CATSPERT: variants seen among roughly 807,000 people sequenced by gnomAD.
The protein encoded by CATSPERT is cation channel sperm-associated targeting subunit tau.
the CATSPERT span, among the ~76,000 whole-genome samples, chr2:201,593,033 G>A: frequency 6.6e-6 from 1 of 151,922 alleles, no homozygotes; most frequent in Non-Finnish European, 1.5e-5. Flanking sequence ...GCTTTTGAAT[G>A]TGTTTGCTCT....
chr2:201,598,453 TATG>T, the CATSPERT span, among the ~76,000 whole-genome samples: 769 of 152,226 alleles, frequency 5.1e-3, 7 homozygotes, highest in Admixed American at 0.011. Context: ...TTCTGTAAGT[TATG>T]ATGTTCTGGC....
chr2:201,517,616 AC>A, the CATSPERT span, among the ~76,000 whole-genome samples: 2 of 152,220 alleles, frequency 1.3e-5, no homozygotes, highest in African/African-American at 4.8e-5. Flanking sequence ...GCCCTATTGA[AC>A]CAGCAATTTT....
chr2:201,503,269 A>C, the CATSPERT span, among the ~76,000 whole-genome samples: 5 of 152,098 alleles, frequency 3.3e-5, no homozygotes, highest in South Asian at 6.2e-4. Flanking sequence ...TTATTATTTC[A>C]TTGTTTAGAC....
At chr2:201,528,459 G>A in the CATSPERT span, among the ~76,000 whole-genome samples, 1 of 152,044 alleles carries the variant, frequency 6.6e-6, no homozygotes, top group Non-Finnish European at 1.5e-5. Context: ...ACACATTCAT[G>A]TATATGTTCA....
chr2:201,530,556 C>T, the CATSPERT span, among the ~76,000 whole-genome samples: 202 of 139,070 alleles, frequency 1.5e-3, 1 homozygote, highest in African/African-American at 5.1e-3. Context: ...CCCAACAGTA[C>T]CATCAATCAT....
the CATSPERT span, among the ~76,000 whole-genome samples, chr2:201,504,243 G>T: frequency 1.3e-5 from 2 of 152,110 alleles, no homozygotes; most frequent in Non-Finnish European, 2.9e-5. Context: ...GTTCTGTTTG[G>T]CTTCCCGCTC....
chr2:201,564,927 T>C, the CATSPERT span, among the ~76,000 whole-genome samples: 2 of 151,824 alleles, frequency 1.3e-5, no homozygotes, highest in Admixed American at 1.3e-4. Flanking sequence ...TTGTGGCAGA[T>C]AAATAGAAAC....
At chr2:201,584,394 A>G in the CATSPERT span, among the ~76,000 whole-genome samples, 1 of 152,196 alleles carries the variant, frequency 6.6e-6, no homozygotes, top group African/African-American at 2.4e-5. Flanking sequence ...GTTAAAAGAC[A>G]TGGAAGATAG....
chr2:201,504,837 G>A, the CATSPERT span, among the ~76,000 whole-genome samples: 1 of 152,316 alleles, frequency 6.6e-6, no homozygotes, highest in Middle Eastern at 3.4e-3. Flanking sequence ...CCAGTGTACT[G>A]GTCAGGAGAA....
chr2:201,492,735 A>C, the CATSPERT span: 1 of 1,535,520 alleles, frequency 6.5e-7, no homozygotes, highest in East Asian at 2.5e-5. Context: ...TCACAGTTTC[A>C]GAATATTTCC....
At chr2:201,521,453 A>AGAGAGAGAG in the CATSPERT span, among the ~76,000 whole-genome samples, 425 of 150,784 alleles carry the variant, frequency 2.8e-3, 1 homozygote, top group Non-Finnish European at 5.2e-3. Flanking sequence ...GAGAGAGAGA[A>AGAGAGAGAG]AGAGACACAC....
At chr2:201,505,077 C>T in the CATSPERT span, among the ~76,000 whole-genome samples, 1 of 152,080 alleles carries the variant, frequency 6.6e-6, no homozygotes, top group African/African-American at 2.4e-5. Flanking sequence ...TAGCTGGGGG[C>T]TCCCCAAATG....
At chr2:201,563,792 A>C in the CATSPERT span, among the ~76,000 whole-genome samples, 1 of 152,228 alleles carries the variant, frequency 6.6e-6, no homozygotes, top group Non-Finnish European at 1.5e-5. Context: ...ACAACTGTAA[A>C]AGCTGGACAA....
At chr2:201,614,097 A>T in the CATSPERT span, among the ~76,000 whole-genome samples, 1 of 152,222 alleles carries the variant, frequency 6.6e-6, no homozygotes, top group Non-Finnish European at 1.5e-5. Context: ...TGTACCTGAA[A>T]GTGACAGAGA....
chr2:201,501,584 T>C, the CATSPERT span, among the ~76,000 whole-genome samples: 27 of 151,696 alleles, frequency 1.8e-4, no homozygotes, highest in Non-Finnish European at 1.5e-5. Flanking sequence ...AGAAACACGA[T>C]AGAGAATATC....
the CATSPERT span, among the ~76,000 whole-genome samples, chr2:201,614,013 A>C: frequency 6.6e-6 from 1 of 152,356 alleles, no homozygotes; most frequent in Non-Finnish European, 1.5e-5. Context: ...GATAGAAAAA[A>C]GAATAAAAAG....
the CATSPERT span, among the ~76,000 whole-genome samples, chr2:201,561,870 T>A: frequency 6.7e-6 from 1 of 148,296 alleles, no homozygotes; most frequent in Admixed American, 6.8e-5. Context: ...TGAGACTCCA[T>A]CTCAAAAAAA....
At chr2:201,493,873 T>C in the CATSPERT span, 4 of 1,536,968 alleles carry the variant, frequency 2.6e-6, no homozygotes, top group Admixed American at 2.0e-5. Flanking sequence ...TTCGAAGTGT[T>C]TTTTAGAGAC....
chr2:201,568,562 T>C, the CATSPERT span, among the ~76,000 whole-genome samples: 4 of 152,280 alleles, frequency 2.6e-5, no homozygotes, highest in African/African-American at 9.6e-5. Flanking sequence ...GCAGCTGCAA[T>C]TGAAGTTGTC....
Sources: gnomAD v4.1 joint callset for allele counts (sites outside exome capture counted in the v4.1 genomes callset) on GRCh38, gnomAD v4.1.1 for gene constraint, MANE v1.5 for transcripts, NCBI Gene and HGNC (gene_info 2026-07-23, HGNC 2026-07-21) for gene names.